Variants in CLCN3 observed in about 807,000 individuals in gnomAD.
The protein encoded by CLCN3 is H(+)/Cl(-) exchange transporter 3.
In CLCN3, 16 loss-of-function variants were observed where a neutral mutation model predicts 83.4. The observed-to-expected ratio is 0.19, with a 90% CI of 0.13 to 0.29. The LOEUF (loss-of-function observed/expected upper bound fraction) is 0.29. CLCN3 is among the 10% of genes least tolerant of loss of function. The pLI, the probability that CLCN3 is intolerant of heterozygous loss-of-function variation, is 1.00. For synonymous variants in CLCN3, 322 were observed against 346.2 expected (o/e 0.93, Z 0.78); for missense variants, 544 against 1,006.0 (o/e 0.54, Z 6.21).
intron 1 of CLCN3, among the ~76,000 whole-genome samples, chr4:169,629,196 A>G (rs908854650): frequency 9.9e-5 from 15 of 151,748 alleles, no homozygotes; most frequent in South Asian, 2.1e-4. Context: ...GACTGTATCA[A>G]TGTCCTTATC....
intron 2 of CLCN3, among the ~76,000 whole-genome samples, chr4:169,655,360 T>C (rs1005231820): frequency 5.9e-5 from 9 of 152,234 alleles, no homozygotes; most frequent in African/African-American, 2.2e-4. Context: ...TTAAAATCTT[T>C]TTTTGCTTAG....
chr4:169,713,123 G>T lies in CLCN3; in HGVS notation c.2194G>T (p.Val732Leu). The change falls in exon 12 of 13, where the codon GTG becomes TTG. Residue 732 changes from valine to leucine, a missense_variant. Physicochemically the swap from Val to Leu is conservative, Grantham distance 32. Transcript: ENST00000513761. ...KQEGIVGSSR[V>L]CFAQHTPSLP... ...AGAAGGTATCGTTGGCAGTTCTCGG[G>T]TGTGTTTTGCACAGCACACCCCATC... The T allele has an allele frequency of 6.2e-7, 1 of 1,614,166 alleles. No homozygotes were observed. Among genetic ancestry groups the T allele is most frequent in the Non-Finnish European group, 8.5e-7 (1 of 1,180,026 alleles).
chr4:169,692,203 G>A lies in CLCN3; in HGVS notation c.819G>A (p.Val273=), dbSNP rs144319280. The A allele has an allele frequency of 6.1e-5, 99 of 1,612,522 alleles. 1 individual carries two copies. Among genetic ancestry groups the A allele is most frequent in the Non-Finnish European group, 6.9e-5 (81 of 1,178,766 alleles). The part of the protein sequence containing the change: ...MIKTITLVLA[V]ASGLSLGKEG... ...AAACCATCACATTAGTCCTGGCTGT[G>A]GCATCAGGTTTGAGTTTAGGAAAAG... is the stretch of plus-strand genomic sequence containing the variant. The change falls in exon 7 of 13, where the codon GTG becomes GTA. Residue 273 remains valine (V), a synonymous_variant. Coordinates refer to ENST00000513761, the MANE Select transcript of CLCN3 (RefSeq NM_001829.4).
At chr4:169,645,530 A>G (rs1730550522) in intron 2 of CLCN3, among the ~76,000 whole-genome samples, 1 of 152,206 alleles carries the variant, frequency 6.6e-6, no homozygotes, top group South Asian at 2.1e-4. Context: ...ATTCCGAGGT[A>G]TATTTGTATA....
Position 169,707,076 on chromosome 4 carries a change from G to A in CLCN3, c.1959G>A (p.Leu653=). The A allele has an allele frequency of 6.2e-7, 1 of 1,614,040 alleles. No individual in the cohort carries two copies. The highest frequency in any genetic ancestry group is 1.1e-5 in the South Asian group (1 of 91,064). Residue 653 remains leucine, a synonymous_variant, in exon 11 of 13, where the codon CTG becomes CTA. Coordinates refer to ENST00000513761, the MANE Select transcript of CLCN3 (RefSeq NM_001829.4). ...DAKEEFTHTT[L]AADVMRPRRN... ...AAGAAGAATTCACTCATACCACCCTGGCTGCTGACGTTATGAGACCTCGAA... is the reference window on the plus strand; with the variant it reads ...AAGAAGAATTCACTCATACCACCCTAGCTGCTGACGTTATGAGACCTCGAA...
chr4:169,716,234 T>A (rs1011021769), intron 12 of CLCN3, among the ~76,000 whole-genome samples: 47 of 152,308 alleles, frequency 3.1e-4, no homozygotes, highest in African/African-American at 1.1e-3. Context: ...TCCATTAATG[T>A]GTGTTTCTCC....
At chr4:169,645,338 A>G (rs1446874288) in intron 2 of CLCN3, among the ~76,000 whole-genome samples, 3 of 152,182 alleles carry the variant, frequency 2.0e-5, no homozygotes, top group South Asian at 2.1e-4. Flanking sequence ...TGATTTCCCA[A>G]TTCTCTTCAA....
rs901096146 is a variant in CLCN3 at position 169,707,202 on chromosome 4, A to C, written c.2085A>C (p.Ile695=). 1 of 1,613,868 alleles carries C rather than the reference A, an allele frequency of 6.2e-7. No homozygotes were observed. ...NETSYNGFPV[I]MSKESQRLVG... Reference sequence around the variant, plus strand: ...CCAGCTACAATGGATTTCCTGTCATAATGTCAAAAGAATCTCAGAGATTAG... The same window carrying C: ...CCAGCTACAATGGATTTCCTGTCATCATGTCAAAAGAATCTCAGAGATTAG... Residue 695 remains isoleucine, a synonymous_variant, in exon 11 of 13, where the codon ATA becomes ATC. Coordinates refer to ENST00000513761, the MANE Select transcript of CLCN3 (RefSeq NM_001829.4).
intron 9 of CLCN3, among the ~76,000 whole-genome samples, chr4:169,698,442 G>C (rs780361967): frequency 4.6e-5 from 7 of 151,902 alleles, no homozygotes; most frequent in Non-Finnish European, 8.8e-5. Context: ...CTCTCTCTCT[G>C]TGGTTTTCTA....
At chr4:169,664,418 C>G (rs1394029508) in intron 2 of CLCN3, among the ~76,000 whole-genome samples, 1 of 152,002 alleles carries the variant, frequency 6.6e-6, no homozygotes, top group South Asian at 2.1e-4. Flanking sequence ...ATTTGAAAAT[C>G]CAGGTGTTAT....
chr4:169,712,021 ATTTTTTTTT>A (rs564857112), intron 11 of CLCN3, among the ~76,000 whole-genome samples: 7 of 114,974 alleles, frequency 6.1e-5, no homozygotes, highest in Non-Finnish European at 8.7e-5. Flanking sequence ...TGCTTGGCCG[ATTTTTTTTT>A]TTTTTTTTTT....
At chr4:169,653,364 G>A (rs1018988925) in intron 2 of CLCN3, among the ~76,000 whole-genome samples, 6 of 152,132 alleles carry the variant, frequency 3.9e-5, no homozygotes, top group Non-Finnish European at 8.8e-5. Flanking sequence ...GGTTGGCTGG[G>A]TGCGGTGGCT....
chr4:169,709,185 A>G (rs868854474), intron 11 of CLCN3, among the ~76,000 whole-genome samples: 15 of 149,904 alleles, frequency 1.0e-4, no homozygotes, highest in Middle Eastern at 3.3e-3. Flanking sequence ...CATATAATAC[A>G]TATAATTGAT....
chr4:169,628,496 CAT>C (rs1773290638), intron 1 of CLCN3, among the ~76,000 whole-genome samples: 1 of 152,152 alleles, frequency 6.6e-6, no homozygotes, highest in Non-Finnish European at 1.5e-5. Context: ...GGACAAAAGA[CAT>C]AGTCATTTCA....
intron 2 of CLCN3, among the ~76,000 whole-genome samples, chr4:169,672,292 A>C (rs1414457241): frequency 2.0e-5 from 3 of 150,374 alleles, no homozygotes; most frequent in African/African-American, 7.3e-5. Context: ...GACGTGCACC[A>C]CCACACCCAG....
intron 2 of CLCN3, among the ~76,000 whole-genome samples, chr4:169,658,979 T>G (rs1038742152): frequency 6.6e-6 from 1 of 152,160 alleles, no homozygotes; most frequent in Non-Finnish European, 1.5e-5. Context: ...AGAATTTCTC[T>G]CTTCTCTTTA....
intron 1 of CLCN3, among the ~76,000 whole-genome samples, chr4:169,625,225 ATC>A (rs1422668898): frequency 6.6e-6 from 1 of 152,160 alleles, no homozygotes; most frequent in Admixed American, 6.5e-5. Context: ...CTTTTGTTCC[ATC>A]TCTCTAGTTG....
At chr4:169,679,288 C>T (rs1356872256) in intron 2 of CLCN3, among the ~76,000 whole-genome samples, 3 of 143,984 alleles carry the variant, frequency 2.1e-5, no homozygotes, top group Non-Finnish European at 4.5e-5. Flanking sequence ...ACGTCCCAGA[C>T]GATGGGCGGC....
At chr4:169,637,595 C>CCACCAA (rs1553965441) in intron 2 of CLCN3, among the ~76,000 whole-genome samples, 1 of 151,282 alleles carries the variant, frequency 6.6e-6, no homozygotes, top group Non-Finnish European at 1.5e-5. Context: ...ACCACCACCA[C>CCACCAA]CAACAACAAC....
Sources: gnomAD v4.1 joint callset for allele counts (sites outside exome capture counted in the v4.1 genomes callset) on GRCh38, gnomAD v4.1.1 for gene constraint, MANE v1.5 for transcripts, NCBI Gene and HGNC (gene_info 2026-07-23, HGNC 2026-07-21) for gene names.